Variants in GRIK3 observed in about 807,000 individuals in gnomAD.
GRIK3 encodes the protein glutamate receptor ionotropic, kainate 3.
GRIK3 carries 29 observed loss-of-function variants against 102.5 expected under a neutral mutation model. The ratio of observed to expected loss-of-function variants is 0.28; its 90% CI spans 0.21 to 0.39. The LOEUF is 0.39. GRIK3 is among the 10% of genes least tolerant of loss of function. The pLI, the probability that GRIK3 is intolerant of heterozygous loss-of-function variation, is 1.00. For missense variants in GRIK3, 908 were observed against 1,252.4 expected, an observed-to-expected ratio of 0.73 and a Z score of 4.15; for synonymous variants, 511 against 504.9, an observed-to-expected ratio of 1.01 and a Z score of -0.16.
intron 15 of GRIK3, among the ~76,000 whole-genome samples, chr1:36,802,957 G>A (rs1425776000): frequency 6.6e-6 from 1 of 152,038 alleles, no homozygotes; most frequent in Non-Finnish European, 1.5e-5. Flanking sequence ...ACCCTACTAT[G>A]TGCCAGGCAC....
chr1:36,900,273 G>A (rs1339865111), intron 1 of GRIK3, among the ~76,000 whole-genome samples: 1 of 152,088 alleles, frequency 6.6e-6, no homozygotes, highest in Non-Finnish European at 1.5e-5. Flanking sequence ...AATACTTGAA[G>A]ATTAGGCAAT....
chr1:36,917,562 C>T (rs552289457), intron 1 of GRIK3, among the ~76,000 whole-genome samples: 1 of 152,284 alleles, frequency 6.6e-6, no homozygotes, highest in Middle Eastern at 3.4e-3. Flanking sequence ...GTGCTGTTCT[C>T]ATGATAGTGA....
chr1:36,820,354 A>G (rs1267907083), intron 11 of GRIK3, among the ~76,000 whole-genome samples: 10 of 152,258 alleles, frequency 6.6e-5, no homozygotes, highest in Non-Finnish European at 2.9e-5. Flanking sequence ...TGAAGATCTA[A>G]GCAATAAAAA....
At chr1:36,802,685 G>A (rs1201186931) in intron 15 of GRIK3, among the ~76,000 whole-genome samples, 1 of 152,182 alleles carries the variant, frequency 6.6e-6, no homozygotes, top group Non-Finnish European at 1.5e-5. Context: ...GTTTCCCGCA[G>A]GTATCTGATG....
At chr1:37,033,477 C>T (rs1281732835) in intron 1 of GRIK3, among the ~76,000 whole-genome samples, 1 of 152,168 alleles carries the variant, frequency 6.6e-6, no homozygotes, top group Non-Finnish European at 1.5e-5. Flanking sequence ...CAAGGGCGAC[C>T]ACCAGGAGAG....
intron 1 of GRIK3, among the ~76,000 whole-genome samples, chr1:36,918,338 G>T (rs1479857442): frequency 3.9e-5 from 6 of 152,158 alleles, no homozygotes; most frequent in Non-Finnish European, 8.8e-5. Context: ...TCTGCCCTAT[G>T]TCCCTTTAAC....
chr1:36,813,668 G>A (rs532681346), intron 13 of GRIK3, among the ~76,000 whole-genome samples: 5 of 151,788 alleles, frequency 3.3e-5, no homozygotes, highest in Admixed American at 2.0e-4. Flanking sequence ...GGCCCGGGGG[G>A]AAGGTCTACT....
chr1:37,003,105 A>C (rs1378327926), intron 1 of GRIK3, among the ~76,000 whole-genome samples: 4 of 141,912 alleles, frequency 2.8e-5, no homozygotes, highest in Non-Finnish European at 4.5e-5. Flanking sequence ...CCCTTTGGCC[A>C]CCAGGGAGCG....
chr1:36,863,328 G>A (rs1640747334), intron 5 of GRIK3, among the ~76,000 whole-genome samples: 1 of 152,054 alleles, frequency 6.6e-6, no homozygotes. Context: ...GGGACTAGAG[G>A]GATCTTTCTA....
intron 2 of GRIK3, among the ~76,000 whole-genome samples, chr1:36,886,030 G>C (rs1220571684): frequency 1.3e-5 from 2 of 152,174 alleles, no homozygotes; most frequent in African/African-American, 4.8e-5. Context: ...GGGGAGCCCT[G>C]GGTCAATTCC....
chr1:36,838,935 TGA>T (rs376194666), intron 10 of GRIK3, among the ~76,000 whole-genome samples: 58 of 152,272 alleles, frequency 3.8e-4, no homozygotes, highest in African/African-American at 1.4e-3. Context: ...CCTGTAACCC[TGA>T]TGAATACTGG....
At chr1:36,976,297 C>G (rs865856240) in intron 1 of GRIK3, among the ~76,000 whole-genome samples, 20 of 152,192 alleles carry the variant, frequency 1.3e-4, no homozygotes, top group Admixed American at 6.5e-4. Flanking sequence ...TACATTCCCC[C>G]CAAGACAGGA....
chr1:36,986,732 T>G (rs1482377400), intron 1 of GRIK3, among the ~76,000 whole-genome samples: 2 of 152,204 alleles, frequency 1.3e-5, no homozygotes, highest in East Asian at 3.8e-4. Flanking sequence ...GAGGAAGGCC[T>G]GGCAGAGGAG....
intron 10 of GRIK3, among the ~76,000 whole-genome samples, chr1:36,829,676 G>T (rs968875814): frequency 5.3e-5 from 8 of 152,038 alleles, no homozygotes; most frequent in African/African-American, 1.9e-4. Flanking sequence ...AATCTGTTGG[G>T]ACCCTCCTGG....
intron 1 of GRIK3, among the ~76,000 whole-genome samples, chr1:37,033,352 C>G (rs1642849219): frequency 6.6e-6 from 1 of 152,188 alleles, no homozygotes; most frequent in Non-Finnish European, 1.5e-5. Flanking sequence ...TCTACCTGCA[C>G]TGCCCCAGGC....
intron 15 of GRIK3, among the ~76,000 whole-genome samples, chr1:36,803,007 T>G (rs1642458747): frequency 6.6e-6 from 1 of 151,896 alleles, no homozygotes; most frequent in Non-Finnish European, 1.5e-5. Flanking sequence ...AGAAGACGGA[T>G]AAGGCCATAG....
Position 36,806,036 on chromosome 1 carries a change from G to A in GRIK3, c.2314+68C>T. 1.0e-6 allele frequency: 1 copy of A among 995,926 alleles called. No individual in the cohort carries two copies. Among genetic ancestry groups the A allele is most frequent in the African/African-American group, 1.6e-5 (1 of 63,014 alleles). 61.7% of individuals were successfully genotyped at this position (995,926 alleles called of 1,614,324 possible). ...AATGAGCTGTGAGACGGAGTGTGAGGGGACGCGGGGGTGGAGCCCTCCCTC... is the reference window on the plus strand; with the variant it reads ...AATGAGCTGTGAGACGGAGTGTGAGAGGACGCGGGGGTGGAGCCCTCCCTC... On this transcript the variant is annotated intron_variant, in intron 14 of 15. Transcript: ENST00000373091. The surrounding 1 kb of genome is among the most constrained non-coding windows in gnomAD (Gnocchi z 4.0).
intron 15 of GRIK3, among the ~76,000 whole-genome samples, chr1:36,802,323 T>C (rs543488032): frequency 1.3e-5 from 2 of 152,306 alleles, no homozygotes; most frequent in African/African-American, 2.4e-5. Flanking sequence ...GGCATGCACA[T>C]TAACGTCTGA....
intron 1 of GRIK3, among the ~76,000 whole-genome samples, chr1:36,977,291 T>C (rs1642205587): frequency 6.6e-6 from 1 of 152,220 alleles, no homozygotes; most frequent in Non-Finnish European, 1.5e-5. Context: ...TCTTAAAGAT[T>C]TGAGACTCAT....
Sources: gnomAD v4.1 joint callset for allele counts (sites outside exome capture counted in the v4.1 genomes callset) on GRCh38, gnomAD v4.1.1 for gene constraint, Gnocchi (gnomAD v3.1) non-coding constraint, MANE v1.5 for transcripts, NCBI Gene and HGNC (gene_info 2026-07-23, HGNC 2026-07-21) for gene names.